GIN1: variants seen among roughly 807,000 people sequenced by gnomAD.
The protein encoded by GIN1 is gypsy retrotransposon integrase 1.
A neutral mutation model predicts 51.4 loss-of-function variants in GIN1; 41 were observed. The observed-to-expected ratio is 0.80, with a 90% CI of 0.62 to 1.04. GIN1 has a LOEUF of 1.04. Among genes scored for constraint, GIN1 ranks in the 50% least tolerant of loss-of-function variants. GIN1 has a pLI of 0.00. For missense variants in GIN1, 610 were observed against 612.4 expected, an observed-to-expected ratio of 1.00 and a Z score of 0.04; for synonymous variants, 222 against 206.5, an observed-to-expected ratio of 1.07 and a Z score of -0.64.
chr5:103,088,307 A>T, intron 7 of GIN1, 135 bp from the exon 8 acceptor site: 1 of 532,776 alleles, frequency 1.9e-6, no homozygotes, highest in South Asian at 3.1e-5. Flanking sequence ...AGGGAGTTAT[A>T]CTGTCTACTA....
At chr5:103,096,906 T>C in intron 6 of GIN1, 80 bp from the exon 7 acceptor site, 1 of 841,432 alleles carries the variant, frequency 1.2e-6, no homozygotes, top group Non-Finnish European at 1.9e-6. Context: ...ATGAGAATAT[T>C]GTAACAAAAT....
chr5:103,088,932 A>C (rs991855822), intron 7 of GIN1, among the ~76,000 whole-genome samples: 3 of 152,252 alleles, frequency 2.0e-5, no homozygotes, highest in African/African-American at 7.2e-5. Context: ...AACTTGAGAT[A>C]ATCTTCCAAT....
chr5:103,107,892 G>C (rs926595285), intron 2 of GIN1, among the ~76,000 whole-genome samples: 2 of 151,936 alleles, frequency 1.3e-5, no homozygotes, highest in Non-Finnish European at 2.9e-5. Flanking sequence ...CCTGTTTTGG[G>C]GTAAGCCTAA....
At chr5:103,096,894 T>C in intron 6 of GIN1, 68 bp from the exon 7 acceptor site, 1 of 950,486 alleles carries the variant, frequency 1.1e-6, no homozygotes, top group Non-Finnish European at 1.6e-6. Context: ...TAAATGCAAA[T>C]AATGAGAATA....
At position 103,104,831 on chromosome 5, in the gene GIN1, G is replaced by A; in HGVS notation, c.349C>T (p.His117Tyr). 6.3e-7 allele frequency: 1 copy of A among 1,598,744 alleles called. No homozygotes were observed. Among genetic ancestry groups the A allele is most frequent in the Non-Finnish European group, 8.6e-7 (1 of 1,168,844 alleles). The change falls in exon 4 of 8, where the codon CAT (histidine) becomes TAT (tyrosine). Residue 117 changes from histidine (H) to tyrosine (Y), a missense_variant. By Grantham distance (83) the His-to-Tyr change is moderately conservative. Coordinates refer to ENST00000399004, the MANE Select transcript of GIN1 (RefSeq NM_017676.2). ...ACTGTATTTTTTGCCACTTGGCAAT[G>A]CTGACAAGCATATACCTACAACAGG... ...DVKQWVYACQ[H>Y]CQVAKNTVIV...
rs1323268114 is a variant in GIN1, at chr5:103,086,108, C to G, written c.*1790G>C. The G allele has an allele frequency of 6.6e-6, 1 of 152,162 alleles. No homozygotes were observed. Among genetic ancestry groups the G allele is most frequent in the Non-Finnish European group, 1.5e-5 (1 of 68,030 alleles). The allele number at this position is 152,162 out of a possible 1,614,324, so 9.4% of individuals were successfully genotyped here. On this transcript the variant is annotated 3_prime_UTR_variant, in exon 8 of 8. Coordinates refer to ENST00000399004, the MANE Select transcript of GIN1 (RefSeq NM_017676.2). Reference sequence around the variant, plus strand: ...GGAATGAGGAAAAATGTATTCAATGCCTCTCCCCTAACTTCTGGTAGTTTT... The same window carrying G: ...GGAATGAGGAAAAATGTATTCAATGGCTCTCCCCTAACTTCTGGTAGTTTT...
intron 4 of GIN1, among the ~76,000 whole-genome samples, chr5:103,100,941 C>T (rs1014797093): frequency 3.3e-5 from 5 of 152,104 alleles, no homozygotes; most frequent in Admixed American, 3.3e-4. Flanking sequence ...TAACTATAGT[C>T]TCCCTTTACC....
At chr5:103,109,569 C>T (rs1382127111) in intron 1 of GIN1, among the ~76,000 whole-genome samples, 1 of 152,060 alleles carries the variant, frequency 6.6e-6, no homozygotes, top group African/African-American at 2.4e-5. Context: ...CAGTACATTT[C>T]TTACCTTAGG....
intron 4 of GIN1, 48 bp downstream of exon 4, chr5:103,104,493 A>T: frequency 1.1e-6 from 1 of 913,700 alleles, no homozygotes; most frequent in Non-Finnish European, 1.7e-6. Flanking sequence ...CTGGACACTG[A>T]AAAGAAGTAA....
intron 7 of GIN1, 40 bp downstream of exon 7, chr5:103,096,501 C>A (rs1787396820): frequency 1.4e-6 from 2 of 1,413,558 alleles, no homozygotes; most frequent in Admixed American, 2.0e-5. Context: ...ATTCTCCTTA[C>A]CTAAAGCAAT....
chr5:103,116,772 T>A (rs1788043107), intron 1 of GIN1, among the ~76,000 whole-genome samples: 1 of 151,876 alleles, frequency 6.6e-6, no homozygotes, highest in Admixed American at 6.6e-5. Context: ...AACCTGGAAA[T>A]ACACTTCACT....
chr5:103,111,098 C>G (rs188020941), intron 1 of GIN1, among the ~76,000 whole-genome samples: 6 of 152,176 alleles, frequency 3.9e-5, no homozygotes, highest in South Asian at 2.1e-4. Context: ...TGTGTCGTTT[C>G]AAGTTGGGAA....
intron 1 of GIN1, among the ~76,000 whole-genome samples, chr5:103,110,854 A>G (rs1787862299): frequency 6.6e-6 from 1 of 152,040 alleles, no homozygotes. Context: ...CCATGCGTAT[A>G]CTCTGTTCTG....
At chr5:103,111,169 C>T (rs909764835) in intron 1 of GIN1, among the ~76,000 whole-genome samples, 28 of 150,330 alleles carry the variant, frequency 1.9e-4, no homozygotes, top group African/African-American at 5.6e-4. Flanking sequence ...CTGCATTAAT[C>T]GTCCTCAACT....
At chr5:103,106,585 C>A in intron 3 of GIN1, 131 bp downstream of exon 3, 1 of 534,986 alleles carries the variant, frequency 1.9e-6, no homozygotes, top group Admixed American at 4.1e-5. Context: ...AAGGGAAATA[C>A]AACTCCCTTT....
At chr5:103,100,460 T>C (rs963256467) in intron 4 of GIN1, among the ~76,000 whole-genome samples, 2 of 152,086 alleles carry the variant, frequency 1.3e-5, no homozygotes, top group African/African-American at 2.4e-5. Flanking sequence ...GGTGCAACCA[T>C]AGCTCACTAC....
At chr5:103,089,686 A>G (rs1256100910) in intron 7 of GIN1, among the ~76,000 whole-genome samples, 1 of 152,150 alleles carries the variant, frequency 6.6e-6, no homozygotes, top group East Asian at 1.9e-4. Context: ...AAATTTTAAG[A>G]CCAAAAAAGC....
At chr5:103,105,325 G>T (rs1787694384) in intron 3 of GIN1, among the ~76,000 whole-genome samples, 1 of 151,862 alleles carries the variant, frequency 6.6e-6, no homozygotes, top group Non-Finnish European at 1.5e-5. Flanking sequence ...CCATCTTATT[G>T]GGTCTTATTC....
At chr5:103,115,067 A>G (rs1787994424) in intron 1 of GIN1, among the ~76,000 whole-genome samples, 1 of 152,200 alleles carries the variant, frequency 6.6e-6, no homozygotes, top group Non-Finnish European at 1.5e-5. Context: ...GAGCTACAAG[A>G]TAGTTGCTAG....
Sources: allele counts gnomAD v4.1 joint callset (sites outside exome capture counted in the v4.1 genomes callset), GRCh38; gene constraint gnomAD v4.1.1; transcripts MANE v1.5; gene names NCBI Gene and HGNC (gene_info 2026-07-23, HGNC 2026-07-21).